Variants in CWH43 observed in about 807,000 individuals in gnomAD.
CWH43 encodes PGAP2-interacting protein.
Under a neutral mutation model 85.7 loss-of-function variants are expected in CWH43, and 91 were observed. The observed-to-expected ratio is 1.06, with a 90% CI of 0.90 to 1.26. The LOEUF is 1.26. Ranked by LOEUF, CWH43 falls within the 50% of genes most tolerant of loss-of-function variation. The pLI, the probability that CWH43 is intolerant of heterozygous loss-of-function variation, is 0.00. For missense variants in CWH43, 869 were observed against 839.2 expected, an observed-to-expected ratio of 1.04 and a Z score of -0.44; for synonymous variants, 323 against 293.6, an observed-to-expected ratio of 1.10 and a Z score of -1.02.
chr4:48,991,666 T>C lies in CWH43; in HGVS notation c.356+92T>C, dbSNP rs1782663674. 2.1e-6 allele frequency: 3 copies of C among 1,422,348 alleles called. No homozygotes were observed. In the Admixed American group the frequency reaches 6.4e-5, roughly 30 times the overall value. 88.1% of individuals were successfully genotyped at this position (1,422,348 alleles called of 1,614,324 possible). Reference sequence around the variant, plus strand: ...GCCAGGAGTTCCAGGTTATAGTTTTTACCTTCCATATGGCTTTGTCAAAGT... The same window carrying C: ...GCCAGGAGTTCCAGGTTATAGTTTTCACCTTCCATATGGCTTTGTCAAAGT... On this transcript the variant is annotated intron_variant, in intron 3 of 15. Coordinates refer to ENST00000226432, the MANE Select transcript of CWH43 (RefSeq NM_025087.3).
At position 49,011,482 on chromosome 4, in the gene CWH43, A is replaced by G. The variant is rs572042740; in HGVS notation, c.1186+4156A>G. ...ATTTACATTTAAGGTGAATATTGTT[A>G]TGTGTGAATTTGATCCTATCATTAT... On this transcript the variant is annotated intron_variant, in intron 8 of 15. Transcript: ENST00000226432. 2.4e-4 allele frequency among the ~76,000 whole-genome samples: 37 copies of G among 152,300 alleles called. No individual in the cohort carries two copies. The South Asian group carries it at 6.8e-3, about 28-fold the overall frequency.
chr4:49,022,494 A>G (rs1783783039), intron 9 of CWH43, among the ~76,000 whole-genome samples: 1 of 152,166 alleles, frequency 6.6e-6, no homozygotes, highest in African/African-American at 2.4e-5. Flanking sequence ...CATCAGAGAT[A>G]TTGGTCTGTA....
At chr4:48,999,703 A>C (rs1396833103) in intron 6 of CWH43, among the ~76,000 whole-genome samples, 1 of 152,170 alleles carries the variant, frequency 6.6e-6, no homozygotes, top group African/African-American at 2.4e-5. Context: ...TTCACTCTTC[A>C]AGATTCCTTG....
intron 3 of CWH43, 32 bp from the exon 4 acceptor site, chr4:48,991,902 TAA>T: frequency 6.3e-7 from 1 of 1,582,630 alleles, no homozygotes; most frequent in Non-Finnish European, 8.7e-7. Flanking sequence ...TGAGTCCACA[TAA>T]AAAGTGTTTA....
intron 9 of CWH43, among the ~76,000 whole-genome samples, chr4:49,020,416 C>CACACACACACACACACACACACAT (rs140534523): frequency 1.6e-5 from 2 of 128,338 alleles, no homozygotes; most frequent in Non-Finnish European, 3.3e-5. Flanking sequence ...CACACACACA[C>CACACACACACACACACACACACAT]ATATATATAT....
At chr4:49,026,038 A>T (rs1783906823) in intron 9 of CWH43, among the ~76,000 whole-genome samples, 1 of 152,010 alleles carries the variant, frequency 6.6e-6, no homozygotes, top group South Asian at 2.1e-4. Context: ...GCTGTGGGAG[A>T]TGGGTGTGTG....
rs748277066 is a variant in CWH43 at position 48,991,930 on chromosome 4, T to C, written c.357-6T>C. On this transcript the variant is annotated splice_polypyrimidine_tract_variant and splice_region_variant and intron_variant, in intron 3 of 15. Coordinates refer to ENST00000226432, the MANE Select transcript of CWH43 (RefSeq NM_025087.3). Reference sequence around the variant, plus strand: ...AAAGTGTTTAAAAATACTTTTGCACTTACAGGTACCTCAGAATTTGGGGAT... The same window carrying C: ...AAAGTGTTTAAAAATACTTTTGCACCTACAGGTACCTCAGAATTTGGGGAT... 12 of 1,610,314 alleles carry C rather than the reference T, an allele frequency of 7.5e-6. No individual in the cohort carries two copies. In the Middle Eastern group the frequency reaches 5.0e-4, roughly 67 times the overall value.
intron 8 of CWH43, among the ~76,000 whole-genome samples, chr4:49,012,850 C>T (rs1208181813): frequency 6.6e-6 from 1 of 152,158 alleles, no homozygotes. Flanking sequence ...CTGCCTGATC[C>T]TTCATCTGGA....
intron 6 of CWH43, among the ~76,000 whole-genome samples, chr4:49,002,377 T>C (rs1783017538): frequency 6.6e-6 from 1 of 152,178 alleles, no homozygotes; most frequent in Non-Finnish European, 1.5e-5. Flanking sequence ...TAAAATGTTT[T>C]AGAAAAAAAT....
At chr4:48,988,330 TG>T in intron 1 of CWH43, 146 bp from the exon 2 acceptor site, 1 of 560,344 alleles carries the variant, frequency 1.8e-6, no homozygotes, top group South Asian at 2.9e-5. Context: ...TTTTGTTCCA[TG>T]TCAGTGGAGA....
intron 13 of CWH43, among the ~76,000 whole-genome samples, chr4:49,044,086 A>C (rs1784548906): frequency 6.6e-6 from 1 of 152,206 alleles, no homozygotes; most frequent in Non-Finnish European, 1.5e-5. Flanking sequence ...TAAGATATTT[A>C]AACAGAATAA....
chr4:48,990,887 T>A (rs1483153488), intron 2 of CWH43, among the ~76,000 whole-genome samples: 1 of 152,134 alleles, frequency 6.6e-6, no homozygotes, highest in Non-Finnish European at 1.5e-5. Context: ...TAAATGCCCA[T>A]CAACTGATAC....
Position 49,044,790 on chromosome 4 carries a change from T to C in CWH43, c.1808T>C (p.Ile603Thr). 1 of 1,612,404 alleles carries C rather than the reference T, an allele frequency of 6.2e-7. No individual in the cohort carries two copies. Among genetic ancestry groups the C allele is most frequent in the Non-Finnish European group, 8.5e-7 (1 of 1,178,866 alleles). Residue 603 changes from isoleucine to threonine, a missense_variant, in exon 14 of 16, where the codon ATC becomes ACC. Physicochemically the swap from Ile to Thr is moderately conservative, Grantham distance 89 (BLOSUM62 -1). This residue lies in a region of CWH43 where 577 missense variants were observed against 513.1 expected (regional missense o/e 1.12). Coordinates refer to ENST00000226432, the MANE Select transcript of CWH43 (RefSeq NM_025087.3). The part of the protein sequence containing the change: ...QLTEHGNVKD[I>T]DSTDHDRWCE... The stretch of plus-strand genomic sequence containing the variant: ...CTCCTCTCTGCTCTTTATTAGGATA[T>C]CGACAGCACTGATCATGACAGATGG...
Position 49,053,037 on chromosome 4 carries a change from AT to A in CWH43, c.2021+2191del, listed in dbSNP as rs1784846474. On this transcript the variant is annotated intron_variant, in intron 15 of 15. Transcript: ENST00000226432. Reference sequence around the variant, plus strand: ...CTACATATAAATGAGATAATGAAGTATTTACCTTTCTGTGCCTGGATTACTT... The same window carrying A: ...CTACATATAAATGAGATAATGAAGTATTACCTTTCTGTGCCTGGATTACTT... Among the ~76,000 whole-genome samples the A allele has an allele frequency of 1.3e-5, 2 of 152,154 alleles. 1 individual carries two copies. The highest frequency in any genetic ancestry group is 2.9e-5 in the Non-Finnish European group (2 of 68,020).
chr4:49,016,460 A>C (rs749838874), intron 8 of CWH43, among the ~76,000 whole-genome samples: 17 of 152,138 alleles, frequency 1.1e-4, no homozygotes, highest in Non-Finnish European at 2.9e-5. Context: ...ACCCAGGAGC[A>C]AATTCCACCC....
chr4:49,005,965 A>G (rs1428936132), intron 7 of CWH43, among the ~76,000 whole-genome samples: 1 of 152,204 alleles, frequency 6.6e-6, no homozygotes, highest in Non-Finnish European at 1.5e-5. Flanking sequence ...TACATGAAAT[A>G]TTTTTGAATT....
At chr4:49,051,558 G>T (rs1021995018) in intron 15 of CWH43, among the ~76,000 whole-genome samples, 2 of 152,170 alleles carry the variant, frequency 1.3e-5, no homozygotes, top group African/African-American at 2.4e-5. Flanking sequence ...CATCACATGT[G>T]AAAAATTCAT....
intron 6 of CWH43, among the ~76,000 whole-genome samples, chr4:49,001,647 A>G (rs994764390): frequency 2.0e-5 from 3 of 152,144 alleles, no homozygotes; most frequent in African/African-American, 7.2e-5. Context: ...TTGAATTGTA[A>G]TTTTGAATTT....
intron 9 of CWH43, among the ~76,000 whole-genome samples, chr4:49,018,079 C>G (rs1022076979): frequency 2.6e-5 from 4 of 151,876 alleles, no homozygotes; most frequent in African/African-American, 7.3e-5. Context: ...ACCTTGTGAT[C>G]CGCCTGCCTC....
Sources: gnomAD v4.1 joint callset for allele counts (sites outside exome capture counted in the v4.1 genomes callset) on GRCh38, gnomAD v4.1.1 for gene constraint, gnomAD v4.1.1 regional missense constraint, MANE v1.5 for transcripts, NCBI Gene and HGNC (gene_info 2026-07-23, HGNC 2026-07-21) for gene names.